Variants in NRG2 observed in about 807,000 individuals in gnomAD.
NRG2 encodes the protein neuregulin 2.
NRG2 carries 27 observed loss-of-function variants against 73.9 expected under a neutral mutation model. The observed-to-expected ratio is 0.37, with a 90% CI of 0.27 to 0.50. The LOEUF (loss-of-function observed/expected upper bound fraction) is 0.50, where lower values mean the gene tolerates loss of function less well. Ranked by LOEUF, NRG2 falls within the 20% of genes least tolerant of loss-of-function variation. NRG2 has a pLI of 0.96. For synonymous variants in NRG2, 532 were observed against 541.0 expected (o/e 0.98, Z 0.23); for missense variants, 1,126 against 1,210.1 (o/e 0.93, Z 1.03).
chr5:139,865,749 T>TA lies in NRG2; in HGVS notation c.1113-125dup. The TA allele has an allele frequency of 2.9e-6, 2 of 699,288 alleles. No individual in the cohort carries two copies. Among genetic ancestry groups the TA allele is most frequent in the Non-Finnish European group, 4.8e-6 (2 of 420,750 alleles). The allele number at this position is 699,288 out of a possible 1,614,324, so 43.3% of individuals were successfully genotyped here. A position where few individuals can be genotyped will look rare whatever the true frequency, so the allele number is the denominator to read the frequency against. ...AGTCAGGCACTTGGGGTCATACTTGTAGCTGAAGGGACTGGAGTCAGGGCT... is the reference window on the plus strand; with the variant it reads ...AGTCAGGCACTTGGGGTCATACTTGTAAGCTGAAGGGACTGGAGTCAGGGCT... On this transcript the variant is annotated intron_variant, in intron 4 of 9. Transcript: ENST00000361474. The surrounding 1 kb of genome is among the most constrained non-coding windows in gnomAD (Gnocchi z 5.2).
At chr5:139,928,440 A>T (rs1204419115) in intron 1 of NRG2, among the ~76,000 whole-genome samples, 1 of 152,050 alleles carries the variant, frequency 6.6e-6, no homozygotes, top group African/African-American at 2.4e-5. Context: ...CACACTCTAC[A>T]CGTAAGTGCT....
chr5:139,888,599 G>A (rs183520119), intron 1 of NRG2, among the ~76,000 whole-genome samples: 1 of 152,304 alleles, frequency 6.6e-6, no homozygotes, highest in East Asian at 1.9e-4. Flanking sequence ...GCCAGAGCTG[G>A]CTCTGGAGAA....
chr5:139,950,880 C>T (rs1249994472), intron 1 of NRG2, among the ~76,000 whole-genome samples: 1 of 152,226 alleles, frequency 6.6e-6, no homozygotes, highest in Non-Finnish European at 1.5e-5. Context: ...CTCAGCCCCT[C>T]TCCCAGCCAC....
intron 6 of NRG2, among the ~76,000 whole-genome samples, chr5:139,855,125 C>T (rs901151895): frequency 1.3e-5 from 2 of 152,166 alleles, no homozygotes; most frequent in Non-Finnish European, 2.9e-5. Context: ...ACCAGCCCTG[C>T]CTTCTCTGTC....
chr5:139,914,603 G>A (rs1751109584), intron 1 of NRG2, among the ~76,000 whole-genome samples: 1 of 152,162 alleles, frequency 6.6e-6, no homozygotes, highest in Non-Finnish European at 1.5e-5. Context: ...ACTCATGCCT[G>A]TATACATACC....
intron 4 of NRG2, among the ~76,000 whole-genome samples, chr5:139,867,504 C>T (rs945309456): frequency 1.3e-5 from 2 of 152,206 alleles, no homozygotes; most frequent in Admixed American, 6.5e-5. Context: ...TTCATCCCAG[C>T]TCAGGTAAAT....
rs1339376069 is a variant in NRG2, at chr5:139,992,555, C to T, written c.700+49815G>A. Reference sequence around the variant, plus strand: ...AAAGTGACTGCTTCTAACACTAACACGTCCTTATGTAGAAAGATGTTTGCT... The same window carrying T: ...AAAGTGACTGCTTCTAACACTAACATGTCCTTATGTAGAAAGATGTTTGCT... On this transcript the variant is annotated intron_variant, in intron 1 of 9. Coordinates refer to ENST00000361474, the MANE Select transcript of NRG2 (RefSeq NM_004883.3). Among the ~76,000 whole-genome samples the T allele has an allele frequency of 2.0e-5, 3 of 152,266 alleles. No homozygotes were observed. The East Asian group carries it at 5.8e-4, about 29-fold the overall frequency.
Position 139,964,330 on chromosome 5 carries a change from A to T in NRG2, c.701-76819T>A, listed in dbSNP as rs149230949. Among the ~76,000 whole-genome samples, 14 of 151,194 alleles carry T rather than the reference A, an allele frequency of 9.3e-5. No homozygotes were observed. The East Asian group carries it at 2.7e-3, about 29-fold the overall frequency. ...AAAGAACTAGCTCCAGAGAGAATGT[A>T]TGGTTAGTCATACACAGAAATACAG... On this transcript the variant is annotated intron_variant, in intron 1 of 9. Coordinates refer to ENST00000361474, the MANE Select transcript of NRG2 (RefSeq NM_004883.3).
chr5:139,972,199 T>C (rs774761945), intron 1 of NRG2, among the ~76,000 whole-genome samples: 2 of 152,166 alleles, frequency 1.3e-5, no homozygotes, highest in Non-Finnish European at 2.9e-5. Context: ...CCAACAATGA[T>C]ACTGGAATAA....
chr5:139,952,341 A>G (rs1205600246), intron 1 of NRG2, among the ~76,000 whole-genome samples: 2 of 152,058 alleles, frequency 1.3e-5, no homozygotes, highest in African/African-American at 2.4e-5. Context: ...TCCATGAACT[A>G]CTGAAGGTGG....
rs1253708653 is a variant in NRG2 at position 139,871,938 on chromosome 5, A to G, written c.992-97T>C. ...TGCCCCACGTCAAAACTGGAAGATG[A>G]CCAGAGGCTGCAGGAATGACTGGGG... On this transcript the variant is annotated intron_variant, in intron 3 of 9. Coordinates refer to ENST00000361474, the MANE Select transcript of NRG2 (RefSeq NM_004883.3). 35 of 1,506,954 alleles carry G rather than the reference A, an allele frequency of 2.3e-5. 1 individual carries two copies. Among genetic ancestry groups the G allele is most frequent in the Middle Eastern group, 3.5e-4 (2 of 5,664 alleles). The allele number at this position is 1,506,954 out of a possible 1,614,324, so 93.3% of individuals were successfully genotyped here.
At chr5:140,036,044 G>A (rs1761482437) in intron 1 of NRG2, among the ~76,000 whole-genome samples, 1 of 152,196 alleles carries the variant, frequency 6.6e-6, no homozygotes, top group African/African-American at 2.4e-5. Flanking sequence ...GAGGCTAGCA[G>A]CACAATCAGG....
In NRG2 at chr5:139,856,505, A is replaced by C. The variant is rs1488965617; in HGVS notation, c.1190-727T>G. Reference sequence around the variant, plus strand: ...AACAGAGAAAGCCAGGAGGAAGAAAAAGTAAAAGGTGACAGCGCTAGCTGT... The same window carrying C: ...AACAGAGAAAGCCAGGAGGAAGAAACAGTAAAAGGTGACAGCGCTAGCTGT... On this transcript the variant is annotated intron_variant, in intron 5 of 9. Transcript: ENST00000361474. The surrounding 1 kb of genome is among the most constrained non-coding windows in gnomAD (Gnocchi z 4.2). The C allele has an allele frequency of 6.6e-6, 1 of 152,326 alleles. No individual in the cohort carries two copies. Among genetic ancestry groups the C allele is most frequent in the African/African-American group, 2.4e-5 (1 of 41,440 alleles). 9.4% of individuals were successfully genotyped at this position (152,326 alleles called of 1,614,324 possible).
chr5:139,952,900 C>T (rs17208010), intron 1 of NRG2, among the ~76,000 whole-genome samples: 12,656 of 152,136 alleles, frequency 0.083, 580 homozygotes, highest in Non-Finnish European at 0.086. Context: ...GCCAGATGTG[C>T]GCCGGCCAGA....
chr5:139,889,986 G>A (rs1764101831), intron 1 of NRG2, among the ~76,000 whole-genome samples: 1 of 152,162 alleles, frequency 6.6e-6, no homozygotes, highest in Non-Finnish European at 1.5e-5. Context: ...TATTTCCTAA[G>A]GCGATCTTCC....
At chr5:140,017,959 C>T (rs1759928682) in intron 1 of NRG2, among the ~76,000 whole-genome samples, 1 of 152,124 alleles carries the variant, frequency 6.6e-6, no homozygotes. Context: ...AGACTAGGGA[C>T]ATCTGTTGCA....
chr5:139,911,768 G>T (rs1241490041), intron 1 of NRG2, among the ~76,000 whole-genome samples: 2 of 152,180 alleles, frequency 1.3e-5, no homozygotes, highest in African/African-American at 2.4e-5. Flanking sequence ...TCCCCAGGAT[G>T]GGGGGTGATT....
chr5:139,958,494 A>G (rs1455137409), intron 1 of NRG2, among the ~76,000 whole-genome samples: 1 of 152,240 alleles, frequency 6.6e-6, no homozygotes, highest in African/African-American at 2.4e-5. Flanking sequence ...GCTGAAAAGG[A>G]AAACATAACT....
chr5:139,880,791 G>A, intron 3 of NRG2, 65 bp downstream of exon 3: 3 of 1,243,160 alleles, frequency 2.4e-6, no homozygotes, highest in Non-Finnish European at 3.5e-6. Flanking sequence ...CCCAAGGGCT[G>A]GGGGGCCACT....
Sources: gnomAD v4.1 joint callset for allele counts (sites outside exome capture counted in the v4.1 genomes callset) on GRCh38, gnomAD v4.1.1 for gene constraint, Gnocchi (gnomAD v3.1) non-coding constraint, MANE v1.5 for transcripts, NCBI Gene and HGNC (gene_info 2026-07-23, HGNC 2026-07-21) for gene names.